The following KCNB2 variants were observed in gnomAD, a reference collection of about 807,000 sequenced individuals.
The protein encoded by KCNB2 is potassium voltage-gated channel subfamily B member 2, also known as delayed rectifier potassium channel protein.
A neutral mutation model predicts 61.5 loss-of-function variants in KCNB2; 15 were observed. The ratio of observed to expected loss-of-function variants is 0.24; its 90% CI spans 0.16 to 0.38. The LOEUF is 0.38. KCNB2 is among the 10% of genes least tolerant of loss of function. KCNB2 has a pLI of 1.00. For missense variants in KCNB2, 828 were observed against 1,125.2 expected (o/e 0.74, Z 3.78); for synonymous variants, 457 against 446.0 (o/e 1.02, Z -0.31).
intron 2 of KCNB2, among the ~76,000 whole-genome samples, chr8:72,622,248 AG>A (rs1288929933): frequency 1.3e-5 from 2 of 152,214 alleles, no homozygotes; most frequent in Non-Finnish European, 2.9e-5. Flanking sequence ...AATAGGTTAT[AG>A]ACATTTTAAG....
At chr8:72,600,166 C>A (rs561056339) in intron 2 of KCNB2, among the ~76,000 whole-genome samples, 48 of 152,090 alleles carry the variant, frequency 3.2e-4, no homozygotes, top group Non-Finnish European at 6.3e-4. Context: ...CGGCATTATT[C>A]ACAATAGCAA....
intron 2 of KCNB2, among the ~76,000 whole-genome samples, chr8:72,845,553 C>CT (rs1809974207): frequency 2.0e-5 from 3 of 152,202 alleles, no homozygotes; most frequent in South Asian, 4.1e-4. Context: ...CCCCTTCCCC[C>CT]AGGTGCTCTG....
At position 72,631,215 on chromosome 8, in the gene KCNB2, C is replaced by T. The variant is rs918942641; in HGVS notation, c.579+62902C>T. Reference sequence around the variant, plus strand: ...ACTGAAACCACAGCAAGTGAAACTGCGGATCAGAGGAGACTGCTGTAACAC... The same window carrying T: ...ACTGAAACCACAGCAAGTGAAACTGTGGATCAGAGGAGACTGCTGTAACAC... On this transcript the variant is annotated intron_variant, in intron 2 of 2. Coordinates refer to ENST00000523207, the MANE Select transcript of KCNB2 (RefSeq NM_004770.3). 8.5e-5 allele frequency among the ~76,000 whole-genome samples: 13 copies of T among 152,160 alleles called. 1 individual carries two copies. Among genetic ancestry groups the T allele is most frequent in the Non-Finnish European group, 2.9e-5 (2 of 68,040 alleles).
intron 2 of KCNB2, among the ~76,000 whole-genome samples, chr8:72,694,377 A>G (rs1431319520): frequency 6.6e-6 from 1 of 152,172 alleles, no homozygotes; most frequent in Non-Finnish European, 1.5e-5. Flanking sequence ...ACCAGAGTTT[A>G]TATACCGTGT....
chr8:72,936,984 A>G lies in KCNB2; in HGVS notation c.1629A>G (p.Leu543=), dbSNP rs752877176. 1.4e-5 allele frequency: 22 copies of G among 1,614,068 alleles called. No individual in the cohort carries two copies. Among genetic ancestry groups the G allele is most frequent in the African/African-American group, 2.7e-5 (2 of 74,932 alleles). The change falls in exon 3 of 3, where the codon CTA becomes CTG. Residue 543 remains leucine, a synonymous_variant. Coordinates refer to ENST00000523207, the MANE Select transcript of KCNB2 (RefSeq NM_004770.3). This position sits in a 1 kb window ranked among gnomAD's most constrained non-coding sequence, Gnocchi z 5.6. ...TGAGTGCCCAGAAACTGGAGATGCTATACAATGAAATCACCAAGACACAGC... is the reference window on the plus strand; with the variant it reads ...TGAGTGCCCAGAAACTGGAGATGCTGTACAATGAAATCACCAAGACACAGC... The part of the protein sequence containing the change: ...QHLSAQKLEM[L]YNEITKTQPH...
chr8:72,677,230 CT>C (rs1257556751), intron 2 of KCNB2, among the ~76,000 whole-genome samples: 1 of 152,168 alleles, frequency 6.6e-6, no homozygotes, highest in African/African-American at 2.4e-5. Context: ...AGTCATAGTC[CT>C]GCTGACACCT....
At chr8:72,765,958 A>T (rs2128996800) in intron 2 of KCNB2, among the ~76,000 whole-genome samples, 1 of 152,360 alleles carries the variant, frequency 6.6e-6, no homozygotes, top group African/African-American at 2.4e-5. Context: ...GTTTTTGGTG[A>T]TAAATTGATA....
chr8:72,562,405 A>G (rs574896946), intron 1 of KCNB2, among the ~76,000 whole-genome samples: 1 of 152,316 alleles, frequency 6.6e-6, no homozygotes, highest in South Asian at 2.1e-4. Flanking sequence ...AGCAGGGTGC[A>G]GCCGTGCAAA....
chr8:72,596,413 C>T (rs995206971), intron 2 of KCNB2, among the ~76,000 whole-genome samples: 3 of 152,042 alleles, frequency 2.0e-5, no homozygotes, highest in African/African-American at 4.8e-5. Context: ...AGTTGTTTAC[C>T]CTCTCTGGCC....
chr8:72,913,282 CT>C (rs1182992016), intron 2 of KCNB2, among the ~76,000 whole-genome samples: 1 of 152,126 alleles, frequency 6.6e-6, no homozygotes, highest in Non-Finnish European at 1.5e-5. Flanking sequence ...TCATAGATTT[CT>C]ATCATAATTT....
chr8:72,792,447 C>T (rs935786457), intron 2 of KCNB2, among the ~76,000 whole-genome samples: 6 of 152,092 alleles, frequency 3.9e-5, no homozygotes, highest in African/African-American at 1.4e-4. Flanking sequence ...AAAGATTTCT[C>T]TTGTTAGGAA....
intron 1 of KCNB2, among the ~76,000 whole-genome samples, chr8:72,561,701 ATATATATATATATATATATATATATATC>A (rs1806516689): frequency 5.1e-5 from 1 of 19,632 alleles, no homozygotes; most frequent in Non-Finnish European, 7.3e-5. Context: ...TTATATATAT[ATATATATATATATATATATATATATATC>A]TATATCTATA....
chr8:72,833,117 A>G (rs1809725931), intron 2 of KCNB2, among the ~76,000 whole-genome samples: 1 of 152,242 alleles, frequency 6.6e-6, no homozygotes, highest in African/African-American at 2.4e-5. Flanking sequence ...TAAAAGAGCT[A>G]GAATCAAGAG....
intron 2 of KCNB2, among the ~76,000 whole-genome samples, chr8:72,691,846 C>G (rs891212583): frequency 6.6e-6 from 1 of 152,236 alleles, no homozygotes; most frequent in South Asian, 2.1e-4. Flanking sequence ...ACTTGAAGTT[C>G]GTTGTTTGTC....
At chr8:72,830,227 C>CAAA (rs543474001) in intron 2 of KCNB2, among the ~76,000 whole-genome samples, 249 of 83,238 alleles carry the variant, frequency 3.0e-3, no homozygotes, top group African/African-American at 7.1e-3. Flanking sequence ...TCATATTTTC[C>CAAA]AAAAAAAAAA....
At chr8:72,667,229 T>C (rs1214966301) in intron 2 of KCNB2, among the ~76,000 whole-genome samples, 1 of 152,162 alleles carries the variant, frequency 6.6e-6, no homozygotes, top group Non-Finnish European at 1.5e-5. Context: ...ATAAGCTGCC[T>C]CTTTATTCTC....
chr8:72,546,508 C>T (rs1280745854), intron 1 of KCNB2, among the ~76,000 whole-genome samples: 1 of 143,676 alleles, frequency 7.0e-6, no homozygotes, highest in Non-Finnish European at 1.5e-5. Context: ...CAGAGCAAGA[C>T]TCTGTGTCAA....
intron 2 of KCNB2, among the ~76,000 whole-genome samples, chr8:72,902,315 G>A (rs543458838): frequency 4.7e-4 from 72 of 152,236 alleles, no homozygotes; most frequent in African/African-American, 1.5e-3. Context: ...GCCAAAGATA[G>A]GTGTTGTGGA....
chr8:72,746,773 G>A (rs1808078786), intron 2 of KCNB2, among the ~76,000 whole-genome samples: 2 of 152,132 alleles, frequency 1.3e-5, no homozygotes, highest in Non-Finnish European at 1.5e-5. Context: ...GCCACATGAC[G>A]GCTAATTTGA....
Sources: gnomAD v4.1 joint callset for allele counts (sites outside exome capture counted in the v4.1 genomes callset) on GRCh38, gnomAD v4.1.1 for gene constraint, Gnocchi (gnomAD v3.1) non-coding constraint, MANE v1.5 for transcripts, NCBI Gene and HGNC (gene_info 2026-07-23, HGNC 2026-07-21) for gene names.